The following TMEM132D variants were observed in gnomAD, a reference collection of about 807,000 sequenced individuals.
TMEM132D encodes the protein mature OL transmembrane protein.
A neutral mutation model predicts 62.3 loss-of-function variants in TMEM132D; 21 were observed. The observed-to-expected ratio is 0.34, with a 90% CI of 0.24 to 0.49. TMEM132D has a LOEUF of 0.49. TMEM132D is among the 20% of genes least tolerant of loss of function. TMEM132D has a pLI of 0.99. For missense variants in TMEM132D, 1,346 were observed against 1,402.8 expected (o/e 0.96, Z 0.65); for synonymous variants, 621 against 575.6 (o/e 1.08, Z -1.13).
chr12:129,590,240 A>C (rs532850098), intron 2 of TMEM132D, among the ~76,000 whole-genome samples: 183 of 152,280 alleles, frequency 1.2e-3, no homozygotes, highest in Non-Finnish European at 2.2e-3. Context: ...TGAGATGAGC[A>C]ACCCCCATCC....
At chr12:129,899,292 G>C (rs1875259251) in intron 1 of TMEM132D, among the ~76,000 whole-genome samples, 3 of 122,246 alleles carry the variant, frequency 2.5e-5, no homozygotes, top group Non-Finnish European at 5.3e-5. Flanking sequence ...TGGATGGATG[G>C]ATGGATGCAT....
intron 1 of TMEM132D, among the ~76,000 whole-genome samples, chr12:129,789,149 T>C (rs1871327046): frequency 6.6e-6 from 1 of 152,150 alleles, no homozygotes; most frequent in Admixed American, 6.5e-5. Context: ...TTCTGAGATT[T>C]GGGTGCACCC....
chr12:129,527,139 C>T (rs1463269587), intron 3 of TMEM132D, among the ~76,000 whole-genome samples: 2 of 152,022 alleles, frequency 1.3e-5, no homozygotes, highest in Non-Finnish European at 2.9e-5. Flanking sequence ...CAAAACCCCA[C>T]CTCTACTATA....
chr12:129,885,815 C>T (rs1423536303), intron 1 of TMEM132D, among the ~76,000 whole-genome samples: 1 of 152,188 alleles, frequency 6.6e-6, no homozygotes, highest in African/African-American at 2.4e-5. Context: ...AACAGAATGG[C>T]TTGACACCCA....
At chr12:129,878,224 C>T (rs1355722) in intron 1 of TMEM132D, among the ~76,000 whole-genome samples, 137,554 of 152,242 alleles carry the variant, frequency 0.9, 63,719 homozygotes, top group East Asian at 1. Flanking sequence ...TTAAGCTACT[C>T]GGGCTCAAAC....
At chr12:129,625,842 A>G (rs1879198689) in intron 2 of TMEM132D, among the ~76,000 whole-genome samples, 2 of 152,336 alleles carry the variant, frequency 1.3e-5, no homozygotes, top group South Asian at 2.1e-4. Flanking sequence ...CAGAGGGGGT[A>G]TGTGTAAAGT....
chr12:129,723,005 G>A (rs909932390), intron 1 of TMEM132D, among the ~76,000 whole-genome samples: 1 of 152,068 alleles, frequency 6.6e-6, no homozygotes, highest in East Asian at 1.9e-4. Flanking sequence ...GCCTCCCAAA[G>A]TGCTGAGATT....
intron 1 of TMEM132D, among the ~76,000 whole-genome samples, chr12:129,788,275 A>G (rs1434809878): frequency 6.6e-6 from 1 of 152,196 alleles, no homozygotes; most frequent in Non-Finnish European, 1.5e-5. Flanking sequence ...TTAACCTACT[A>G]TTGCCTGTGA....
At chr12:129,081,047 A>G (rs1236728277) in intron 7 of TMEM132D, among the ~76,000 whole-genome samples, 1 of 152,086 alleles carries the variant, frequency 6.6e-6, no homozygotes, top group Non-Finnish European at 1.5e-5. Flanking sequence ...CAATATCCTG[A>G]AGCCGTGGGA....
At chr12:129,118,546 T>C (rs1452453861) in intron 5 of TMEM132D, among the ~76,000 whole-genome samples, 1 of 152,246 alleles carries the variant, frequency 6.6e-6, no homozygotes, top group Non-Finnish European at 1.5e-5. Context: ...AATGGCACAT[T>C]TTCTACAATG....
chr12:129,417,767 C>A lies in TMEM132D; in HGVS notation c.1116-79950G>T, dbSNP rs141769952. ...AACTATCATCAGAGTGAACAGGCAA[C>A]CTACAGAATGGGAGAAAATTTTTGC... On this transcript the variant is annotated intron_variant, in intron 3 of 8. Transcript: ENST00000422113. Among the ~76,000 whole-genome samples, 533 of 152,274 alleles carry A rather than the reference C, an allele frequency of 3.5e-3. 15 individuals are homozygous for A. In the East Asian group the frequency reaches 0.052, roughly 15 times the overall value.
At chr12:129,464,832 T>G (rs2137042278) in intron 3 of TMEM132D, among the ~76,000 whole-genome samples, 1 of 152,256 alleles carries the variant, frequency 6.6e-6, no homozygotes, top group South Asian at 2.1e-4. Context: ...TTGATCTATA[T>G]CTCTGTTTTG....
At chr12:129,826,500 A>G (rs549671657) in intron 1 of TMEM132D, among the ~76,000 whole-genome samples, 2 of 152,290 alleles carry the variant, frequency 1.3e-5, no homozygotes, top group Non-Finnish European at 2.9e-5. Flanking sequence ...GCACTGAATG[A>G]GTGCAGCCCG....
intron 5 of TMEM132D, among the ~76,000 whole-genome samples, chr12:129,184,290 T>C (rs991872415): frequency 1.3e-5 from 2 of 152,176 alleles, no homozygotes; most frequent in African/African-American, 4.8e-5. Context: ...GCTGATAAAT[T>C]ACCAACATCA....
In TMEM132D at chr12:129,177,805, G is replaced by A. The variant is rs145493661; in HGVS notation, c.1443+31715C>T. Among the ~76,000 whole-genome samples, 1,474 of 152,280 alleles carry A rather than the reference G, an allele frequency of 9.7e-3. 25 individuals carry two copies. The highest frequency in any genetic ancestry group is 0.033 in the African/African-American group (1,388 of 41,558). On this transcript the variant is annotated intron_variant, in intron 5 of 8. Coordinates refer to ENST00000422113, the MANE Select transcript of TMEM132D (RefSeq NM_133448.3). ...TAAGTTCTGGGTACATGTGCAGGAT[G>A]TGCAGGTTTGTTACATCGGTAAATG...
chr12:129,620,704 A>T (rs1337315156), intron 2 of TMEM132D, among the ~76,000 whole-genome samples: 1 of 152,228 alleles, frequency 6.6e-6, no homozygotes, highest in Non-Finnish European at 1.5e-5. Context: ...CACCGTCCTC[A>T]GCAAACTAAT....
At chr12:129,209,406 G>A in intron 5 of TMEM132D, 114 bp downstream of exon 5, 1 of 1,293,822 alleles carries the variant, frequency 7.7e-7, no homozygotes, top group South Asian at 1.4e-5. Flanking sequence ...TGGGATGGGA[G>A]GGATCCTGTG....
At chr12:129,398,666 T>G (rs1422532642) in intron 3 of TMEM132D, among the ~76,000 whole-genome samples, 1 of 152,188 alleles carries the variant, frequency 6.6e-6, no homozygotes, top group Admixed American at 6.5e-5. Flanking sequence ...TAGTAAATAT[T>G]ATAGCTGGGG....
At chr12:129,242,282 A>T (rs933634799) in intron 4 of TMEM132D, among the ~76,000 whole-genome samples, 8 of 152,204 alleles carry the variant, frequency 5.3e-5, no homozygotes, top group African/African-American at 1.9e-4. Flanking sequence ...CAAGAAGAGG[A>T]GCAAAGTTGT....
Sources: gnomAD v4.1 joint callset for allele counts (sites outside exome capture counted in the v4.1 genomes callset) on GRCh38, gnomAD v4.1.1 for gene constraint, MANE v1.5 for transcripts, NCBI Gene and HGNC (gene_info 2026-07-23, HGNC 2026-07-21) for gene names.